Variants in EGF observed in about 807,000 individuals in gnomAD.
EGF encodes epidermal growth factor.
A neutral mutation model predicts 143.8 loss-of-function variants in EGF; 95 were observed. The ratio of observed to expected loss-of-function variants is 0.66; its 90% CI spans 0.56 to 0.78. The LOEUF (loss-of-function observed/expected upper bound fraction) is 0.78, where lower values mean the gene tolerates loss of function less well. Ranked by LOEUF, EGF falls within the 30% of genes least tolerant of loss-of-function variation. EGF has a pLI of 0.00. For missense variants in EGF, 1,320 were observed against 1,470.9 expected (o/e 0.90, Z 1.68); for synonymous variants, 510 against 510.5 (o/e 1.00, Z 0.01).
At chr4:109,962,744 A>G (rs1245141929) in intron 8 of EGF, among the ~76,000 whole-genome samples, 1 of 152,182 alleles carries the variant, frequency 6.6e-6, no homozygotes, top group Non-Finnish European at 1.5e-5. Flanking sequence ...GATTGCAGCC[A>G]TATGAATGAT....
chr4:109,941,697 A>T (rs1741958109), intron 2 of EGF, among the ~76,000 whole-genome samples: 1 of 152,210 alleles, frequency 6.6e-6, no homozygotes, highest in South Asian at 2.1e-4. Context: ...ACCCTGTTTT[A>T]TCTGTATAAA....
chr4:109,913,585 A>G, intron 1 of EGF, 123 bp downstream of exon 1: 1 of 1,443,796 alleles, frequency 6.9e-7, no homozygotes, highest in Non-Finnish European at 9.4e-7. Context: ...TAGTTGCTTA[A>G]TTTTTGTTTT....
At chr4:109,926,418 G>C (rs891432212) in intron 1 of EGF, among the ~76,000 whole-genome samples, 1 of 149,344 alleles carries the variant, frequency 6.7e-6, no homozygotes, top group African/African-American at 2.5e-5. Context: ...GCAGTGGCGC[G>C]ATCTCGTCTC....
chr4:110,005,890 C>T (rs1307012831), intron 22 of EGF, among the ~76,000 whole-genome samples: 2 of 152,176 alleles, frequency 1.3e-5, no homozygotes, highest in African/African-American at 4.8e-5. Context: ...CATTATTACC[C>T]CTACTCCCCA....
At chr4:109,980,219 C>A in intron 14 of EGF, 80 bp downstream of exon 14, 2 of 1,375,270 alleles carry the variant, frequency 1.5e-6, no homozygotes, top group Non-Finnish European at 2.0e-6. Context: ...ATGCAGTTGG[C>A]GGGGGGGTGG....
At chr4:109,960,742 T>A in intron 6 of EGF, 125 bp from the exon 7 acceptor site, 1 of 1,111,996 alleles carries the variant, frequency 9.0e-7, no homozygotes, top group Non-Finnish European at 1.3e-6. Context: ...GAAAACAGAC[T>A]TTCCATGATC....
chr4:109,933,899 G>C (rs1215422512), intron 1 of EGF, among the ~76,000 whole-genome samples: 1 of 152,074 alleles, frequency 6.6e-6, no homozygotes, highest in Non-Finnish European at 1.5e-5. Context: ...GCATATGTCT[G>C]TATAGTAGCA....
At position 109,928,668 on chromosome 4, in the gene EGF, A is replaced by G. The variant is rs868204158; in HGVS notation, c.128-12278A>G. The stretch of plus-strand genomic sequence containing the variant: ...ACATGTCAAAGAAATATATTTTGGG[A>G]TAAAATATTTTGATTTCTTTCAGGG... On this transcript the variant is annotated intron_variant, in intron 1 of 23. Coordinates refer to ENST00000265171, the MANE Select transcript of EGF (RefSeq NM_001963.6). 2.9e-4 allele frequency among the ~76,000 whole-genome samples: 44 copies of G among 152,122 alleles called. 1 individual carries two copies. The highest frequency in any genetic ancestry group is 8.9e-4 in the African/African-American group (37 of 41,416).
intron 1 of EGF, among the ~76,000 whole-genome samples, chr4:109,915,251 CTTAATAGCTGAGTTACT>C (rs570886146): frequency 1.5e-4 from 23 of 152,206 alleles, no homozygotes; most frequent in Non-Finnish European, 2.8e-4. Context: ...ATGCTACCAA[CTTAATAGCTGAGTTACT>C]TTAGAGTATC....
intron 21 of EGF, among the ~76,000 whole-genome samples, chr4:110,000,454 C>T: frequency 6.6e-6 from 1 of 152,054 alleles, no homozygotes; most frequent in South Asian, 2.1e-4. Context: ...ATATGCTCCC[C>T]CCATAGCCTG....
chr4:110,007,678 T>G (rs1030217131), intron 22 of EGF, among the ~76,000 whole-genome samples: 1 of 152,254 alleles, frequency 6.6e-6, no homozygotes, highest in African/African-American at 2.4e-5. Context: ...GCACTGGTAA[T>G]TATTACTACC....
intron 23 of EGF, among the ~76,000 whole-genome samples, chr4:110,008,873 T>C (rs917490412): frequency 6.6e-6 from 1 of 152,180 alleles, no homozygotes; most frequent in Non-Finnish European, 1.5e-5. Flanking sequence ...GGGTCTCAGG[T>C]TGAGTTTTGT....
intron 21 of EGF, among the ~76,000 whole-genome samples, chr4:110,000,683 C>G (rs1752465013): frequency 6.6e-6 from 1 of 152,236 alleles, no homozygotes; most frequent in South Asian, 2.1e-4. Context: ...GGTGCAGGCA[C>G]AGGCATCACA....
In EGF at chr4:109,968,883, C is replaced by T. The variant is rs1415239137; in HGVS notation, c.1576-88C>T. ...ATCTCCAAAGTCAAGCTCTTAACAC[C>T]CTGTACAACCTAAAGACTAGTGCCA... On this transcript the variant is annotated intron_variant, in intron 10 of 23. Coordinates refer to ENST00000265171, the MANE Select transcript of EGF (RefSeq NM_001963.6). 4.5e-6 allele frequency: 7 copies of T among 1,572,956 alleles called. No homozygotes were observed. The Admixed American group carries it at 1.2e-4, about 27-fold the overall frequency.
At chr4:109,968,795 A>T in intron 10 of EGF, 176 bp from the exon 11 acceptor site, 1 of 668,994 alleles carries the variant, frequency 1.5e-6, no homozygotes, top group Non-Finnish European at 2.5e-6. Context: ...ACATTAAATA[A>T]CTTGCTTAAG....
chr4:109,988,818 CAT>C, intron 18 of EGF, 109 bp downstream of exon 18: 1 of 1,521,504 alleles, frequency 6.6e-7, no homozygotes, highest in Non-Finnish European at 9.0e-7. Context: ...GGGTGACACA[CAT>C]GTCAAGATTT....
Position 109,969,807 on chromosome 4 carries a change from G to A in EGF, c.1724+688G>A, listed in dbSNP as rs11568986. On this transcript the variant is annotated intron_variant, in intron 11 of 23. Coordinates refer to ENST00000265171, the MANE Select transcript of EGF (RefSeq NM_001963.6). ...GTTCTTAGTTTAGCTGGGGAGATAAGGTATATTTCCCCAGCAAAATAATTA... is the reference window on the plus strand; with the variant it reads ...GTTCTTAGTTTAGCTGGGGAGATAAAGTATATTTCCCCAGCAAAATAATTA... Among the ~76,000 whole-genome samples the A allele has an allele frequency of 2.3e-3, 347 of 152,150 alleles. 2 individuals are homozygous for A. Among genetic ancestry groups the A allele is most frequent in the African/African-American group, 7.9e-3 (326 of 41,502 alleles).
intron 18 of EGF, among the ~76,000 whole-genome samples, chr4:109,991,720 A>T (rs6815092): frequency 0.1 from 15,735 of 152,250 alleles, 2,513 homozygotes; most frequent in African/African-American, 0.34. Flanking sequence ...GGATGTCTAT[A>T]CAAAAGAGTT....
At chr4:109,989,859 G>A (rs6850557) in intron 18 of EGF, among the ~76,000 whole-genome samples, 36,569 of 151,878 alleles carry the variant, frequency 0.24, 4,992 homozygotes, top group Middle Eastern at 0.35. Flanking sequence ...TGGTTGGCAC[G>A]GAGTCCTCAA....
Sources: gnomAD v4.1 joint callset for allele counts (sites outside exome capture counted in the v4.1 genomes callset) on GRCh38, gnomAD v4.1.1 for gene constraint, MANE v1.5 for transcripts, NCBI Gene and HGNC (gene_info 2026-07-23, HGNC 2026-07-21) for gene names.